Variants in LDLRAD4 observed in about 807,000 individuals in gnomAD.
The protein encoded by LDLRAD4 is low density lipoprotein receptor class A domain containing 4, also known as low-density lipoprotein receptor class A domain-containing protein 4.
LDLRAD4 carries 5 observed loss-of-function variants against 17.0 expected under a neutral mutation model. That is an observed-to-expected ratio of 0.29 (90% CI 0.15 to 0.62). The LOEUF is 0.62. LDLRAD4 is among the 20% of genes least tolerant of loss of function. LDLRAD4 has a pLI of 0.84. For synonymous variants in LDLRAD4, 168 were observed against 171.8 expected (o/e 0.98, Z 0.17); for missense variants, 340 against 424.7 (o/e 0.80, Z 1.75).
intron 3 of LDLRAD4, among the ~76,000 whole-genome samples, chr18:13,453,957 C>T (rs922485794): frequency 1.3e-5 from 2 of 152,254 alleles, no homozygotes; most frequent in Non-Finnish European, 1.5e-5. Flanking sequence ...TAATGGGCGC[C>T]GTGTTCACAC....
chr18:13,420,317 A>C (rs2089321586), intron 2 of LDLRAD4: 1 of 152,234 alleles, frequency 6.6e-6, no homozygotes, highest in South Asian at 2.1e-4. Flanking sequence ...AATATCAAAC[A>C]CTACATTGAT....
chr18:13,602,493 ATTTTTTTTTTTT>A (rs36122294), intron 3 of LDLRAD4, among the ~76,000 whole-genome samples: 1 of 95,022 alleles, frequency 1.1e-5, no homozygotes, highest in Non-Finnish European at 2.2e-5. Context: ...ATGGCATTTA[ATTTTTTTTTTTT>A]TTTTTTTTTT....
chr18:13,393,220 G>A (rs1420767323), intron 2 of LDLRAD4, among the ~76,000 whole-genome samples: 2 of 152,238 alleles, frequency 1.3e-5, no homozygotes, highest in Non-Finnish European at 2.9e-5. Context: ...CGCTTTAGGA[G>A]ATATTGAGAG....
At chr18:13,287,284 G>A (rs1033113481) in intron 1 of LDLRAD4, among the ~76,000 whole-genome samples, 1 of 152,216 alleles carries the variant, frequency 6.6e-6, no homozygotes, top group Non-Finnish European at 1.5e-5. Context: ...TCTTGGTGCT[G>A]TAATGACATT....
chr18:13,458,477 A>G (rs1255124430), intron 3 of LDLRAD4, among the ~76,000 whole-genome samples: 2 of 152,184 alleles, frequency 1.3e-5, no homozygotes, highest in African/African-American at 4.8e-5. Context: ...AAAATTATGC[A>G]TTATTTATTC....
intron 1 of LDLRAD4, among the ~76,000 whole-genome samples, chr18:13,324,968 C>G (rs1353512700): frequency 6.6e-6 from 1 of 152,132 alleles, no homozygotes; most frequent in Non-Finnish European, 1.5e-5. Context: ...GTCTCTTGTT[C>G]AGTAAATCTG....
chr18:13,529,034 C>A (rs947144870), intron 3 of LDLRAD4, among the ~76,000 whole-genome samples: 1 of 152,250 alleles, frequency 6.6e-6, no homozygotes, highest in African/African-American at 2.4e-5. Context: ...ACTGGCCCAA[C>A]TGATGTCAGA....
At chr18:13,486,310 C>A (rs534190506) in intron 3 of LDLRAD4, among the ~76,000 whole-genome samples, 115 of 152,334 alleles carry the variant, frequency 7.5e-4, no homozygotes, top group African/African-American at 2.7e-3. Context: ...TTCCCCCTTA[C>A]TGAAGTAAAA....
chr18:13,559,025 C>T (rs896353526), intron 3 of LDLRAD4, among the ~76,000 whole-genome samples: 5 of 152,132 alleles, frequency 3.3e-5, no homozygotes, highest in Admixed American at 6.5e-5. Flanking sequence ...GACGTGCCAC[C>T]GGCAGCACCC....
chr18:13,630,980 C>A (rs2148889769), intron 4 of LDLRAD4, among the ~76,000 whole-genome samples: 1 of 152,320 alleles, frequency 6.6e-6, no homozygotes, highest in African/African-American at 2.4e-5. Flanking sequence ...CACATCTGAT[C>A]ATTCCTGGGG....
chr18:13,630,063 A>G (rs1481971903), intron 4 of LDLRAD4, among the ~76,000 whole-genome samples: 1 of 151,736 alleles, frequency 6.6e-6, no homozygotes, highest in African/African-American at 2.4e-5. Flanking sequence ...TTCCTCTTGA[A>G]GTCCGATTGC....
chr18:13,433,713 A>G (rs1366872665), intron 2 of LDLRAD4, among the ~76,000 whole-genome samples: 2 of 152,118 alleles, frequency 1.3e-5, no homozygotes, highest in African/African-American at 2.4e-5. Flanking sequence ...CTTTTTGTAT[A>G]TAAGTTTGGA....
rs2042948258 is a variant in LDLRAD4, at chr18:13,645,094, A to G, written c.391-33A>G. 2 of 1,559,498 alleles carry G rather than the reference A, an allele frequency of 1.3e-6. No individual in the cohort carries two copies. Among genetic ancestry groups the G allele is most frequent in the Non-Finnish European group, 1.7e-6 (2 of 1,149,630 alleles). ...CATTTATGGTCATCATTGCGCTCAA[A>G]CTGTCTTCAAGCCTCTCCTCTTTTC... On this transcript the variant is annotated intron_variant, in intron 5 of 5. Coordinates refer to ENST00000359446, the Ensembl canonical transcript of LDLRAD4. This position sits in a 1 kb window ranked among gnomAD's most constrained non-coding sequence, Gnocchi z 5.7.
chr18:13,345,859 T>G (rs1269813678), intron 1 of LDLRAD4, among the ~76,000 whole-genome samples: 1 of 152,244 alleles, frequency 6.6e-6, no homozygotes, highest in Admixed American at 6.5e-5. Context: ...TTCTAGTTTA[T>G]TTGCATAGAG....
intron 1 of LDLRAD4, among the ~76,000 whole-genome samples, chr18:13,359,621 C>T (rs2083543665): frequency 6.6e-6 from 1 of 152,144 alleles, no homozygotes; most frequent in Admixed American, 6.5e-5. Flanking sequence ...GCAGATAAGA[C>T]ATGATTGTGA....
intron 2 of LDLRAD4, among the ~76,000 whole-genome samples, chr18:13,417,011 A>G (rs2088960404): frequency 6.6e-6 from 1 of 152,234 alleles, no homozygotes; most frequent in Non-Finnish European, 1.5e-5. Flanking sequence ...CTTGCGCAAG[A>G]TTGCACAGCC....
At chr18:13,301,645 A>C (rs1384791952) in intron 1 of LDLRAD4, among the ~76,000 whole-genome samples, 1 of 151,852 alleles carries the variant, frequency 6.6e-6, no homozygotes, top group African/African-American at 2.4e-5. Flanking sequence ...TGTCATGCTC[A>C]TGCACTCTTT....
intron 1 of LDLRAD4, among the ~76,000 whole-genome samples, chr18:13,370,448 A>G (rs1354954038): frequency 6.6e-6 from 1 of 152,136 alleles, no homozygotes; most frequent in Non-Finnish European, 1.5e-5. Flanking sequence ...CGTTATTTAA[A>G]TCTAATTTTC....
intron 1 of LDLRAD4, chr18:13,240,994 A>G (rs1421380179): frequency 2.6e-5 from 4 of 151,770 alleles, no homozygotes; most frequent in Admixed American, 1.3e-4. Context: ...CAATGGTGCA[A>G]TCTCAGCTCA....
Sources: allele counts gnomAD v4.1 joint callset (sites outside exome capture counted in the v4.1 genomes callset), GRCh38; gene constraint gnomAD v4.1.1; non-coding constraint Gnocchi (gnomAD v3.1); transcripts MANE v1.5; gene names NCBI Gene and HGNC (gene_info 2026-07-23, HGNC 2026-07-21).